Variants in CCNT2 observed in about 807,000 individuals in gnomAD.
CCNT2 encodes the protein cyclin-T2.
CCNT2 carries 18 observed loss-of-function variants against 70.0 expected under a neutral mutation model. That is an observed-to-expected ratio of 0.26 (90% CI 0.18 to 0.38). The LOEUF is 0.38. Among genes scored for constraint, CCNT2 ranks in the 10% least tolerant of loss-of-function variants. The pLI is 1.00. For missense variants in CCNT2, 734 were observed against 890.2 expected, an observed-to-expected ratio of 0.82 and a Z score of 2.23; for synonymous variants, 334 against 313.3, an observed-to-expected ratio of 1.07 and a Z score of -0.70.
Position 134,953,176 on chromosome 2 carries a change from T to C in CCNT2, c.775-54T>C, listed in dbSNP as rs1434107263. 3.2e-6 allele frequency: 4 copies of C among 1,254,560 alleles called. No individual in the cohort carries two copies. The African/African-American group carries it at 4.5e-5, about 14-fold the overall frequency. The allele number at this position is 1,254,560 out of a possible 1,614,324, so 77.7% of individuals were successfully genotyped here. A position where few individuals can be genotyped will look rare whatever the true frequency, so the allele number is the denominator to read the frequency against. On this transcript the variant is annotated intron_variant, in intron 8 of 8. Transcript: ENST00000264157. The stretch of plus-strand genomic sequence containing the variant: ...ATATAACTTTTATAAGACAAGAAAT[T>C]TGCATTAAATTATTTTGCTATATCA...
chr2:134,944,885 AATT>A, intron 5 of CCNT2: 1 of 985,178 alleles, frequency 1.0e-6, no homozygotes, highest in Non-Finnish European at 1.2e-6. Flanking sequence ...GGCATTTTTT[AATT>A]ATTATTTTTT....
Position 134,955,327 on chromosome 2 carries a change from A to G in CCNT2, c.*679A>G, listed in dbSNP as rs1346905054. ...CTGATAGGGGACACTTCACTACCAG[A>G]TGTGTGCAGTGCAACAGATGGTCAT... On this transcript the variant is annotated 3_prime_UTR_variant, in exon 9 of 9. Transcript: ENST00000264157. 6.5e-6 allele frequency: 1 copy of G among 152,934 alleles called. No individual in the cohort carries two copies. The highest frequency in any genetic ancestry group is 1.5e-5 in the Non-Finnish European group (1 of 68,284). The allele number at this position is 152,934 out of a possible 1,614,324, so 9.5% of individuals were successfully genotyped here. A position where few individuals can be genotyped will look rare whatever the true frequency, so the allele number is the denominator to read the frequency against.
At chr2:134,919,442 G>A (rs777216820) in intron 1 of CCNT2, among the ~76,000 whole-genome samples, 40 of 152,102 alleles carry the variant, frequency 2.6e-4, no homozygotes, top group Non-Finnish European at 4.6e-4. Flanking sequence ...GCTTGATGGC[G>A]GCTCTCTTCT....
intron 5 of CCNT2, 116 bp downstream of exon 5, chr2:134,942,790 A>T: frequency 2.9e-6 from 4 of 1,391,626 alleles, no homozygotes; most frequent in Non-Finnish European, 3.8e-6. Context: ...AATTAGGGAG[A>T]AATGTCATTT....
chr2:134,946,269 G>C, intron 6 of CCNT2, 123 bp downstream of exon 6: 1 of 1,297,860 alleles, frequency 7.7e-7, no homozygotes. Context: ...TACTGTGGTG[G>C]TACCTTCCTG....
At chr2:134,922,062 C>G (rs976304595) in intron 2 of CCNT2, among the ~76,000 whole-genome samples, 5 of 152,160 alleles carry the variant, frequency 3.3e-5, no homozygotes, top group South Asian at 2.1e-4. Flanking sequence ...TTTCTTCCCC[C>G]CTGTTCTTTT....
intron 4 of CCNT2, among the ~76,000 whole-genome samples, chr2:134,941,590 A>G (rs1681585815): frequency 6.6e-6 from 1 of 152,224 alleles, no homozygotes. Context: ...AAATAAAAAG[A>G]TACCAAAAAA....
intron 2 of CCNT2, among the ~76,000 whole-genome samples, chr2:134,932,397 GT>G (rs1680847743): frequency 6.6e-6 from 1 of 152,020 alleles, no homozygotes; most frequent in Non-Finnish European, 1.5e-5. Context: ...TCAGTATATT[GT>G]TTAAGTATAA....
At chr2:134,939,787 A>G (rs1252111388) in intron 4 of CCNT2, among the ~76,000 whole-genome samples, 1 of 152,122 alleles carries the variant, frequency 6.6e-6, no homozygotes, top group Non-Finnish European at 1.5e-5. Context: ...TTTTAATGTG[A>G]CATAGTAATT....
At position 134,954,922 on chromosome 2, in the gene CCNT2, T is replaced by C. The variant is rs1682837442; in HGVS notation, c.*274T>C. ...AGCTAAGAACATTAGGATGAATGGC[T>C]GGCTGCTTCTAGGAATATAAGATGC... On this transcript the variant is annotated 3_prime_UTR_variant, in exon 9 of 9. Transcript: ENST00000264157. 1 of 334,380 alleles carries C rather than the reference T, an allele frequency of 3.0e-6. No homozygotes were observed. Among genetic ancestry groups the C allele is most frequent in the Non-Finnish European group, 5.5e-6 (1 of 182,476 alleles). The allele number at this position is 334,380 out of a possible 1,614,324, so 20.7% of individuals were successfully genotyped here. A position where few individuals can be genotyped will look rare whatever the true frequency, so the allele number is the denominator to read the frequency against.
In CCNT2 at chr2:134,919,026, T is replaced by G; in HGVS notation, c.158+14T>G. On this transcript the variant is annotated intron_variant, in intron 1 of 8. Transcript: ENST00000264157. The stretch of plus-strand genomic sequence containing the variant: ...GCGTCTCAATGTGTATCCTTTTCTG[T>G]TCGCCGCCGCTCACGCCCTGTTTCC... 6.3e-7 allele frequency: 1 copy of G among 1,587,252 alleles called. No homozygotes were observed. Among genetic ancestry groups the G allele is most frequent in the South Asian group, 1.1e-5 (1 of 89,978 alleles).
chr2:134,922,902 T>G (rs1371939529), intron 2 of CCNT2, among the ~76,000 whole-genome samples: 3 of 152,222 alleles, frequency 2.0e-5, no homozygotes, highest in Non-Finnish European at 1.5e-5. Context: ...TCCAATTTAT[T>G]TGATCTTTTC....
chr2:134,930,255 T>G (rs963351375), intron 2 of CCNT2, among the ~76,000 whole-genome samples: 2 of 152,212 alleles, frequency 1.3e-5, no homozygotes, highest in Non-Finnish European at 2.9e-5. Flanking sequence ...GTATATATGG[T>G]CTTTCACGAA....
At chr2:134,945,734 G>A in intron 5 of CCNT2, 1 of 1,294,154 alleles carries the variant, frequency 7.7e-7, no homozygotes, top group Non-Finnish European at 1.0e-6. Flanking sequence ...TTTGTATTTT[G>A]TATTAGACTT....
intron 2 of CCNT2, among the ~76,000 whole-genome samples, chr2:134,928,270 A>ATTTTTTTTTTTTTTTTTTTTT (rs1680442850): frequency 3.8e-5 from 3 of 77,984 alleles, no homozygotes; most frequent in African/African-American, 1.6e-4. Flanking sequence ...CTCACATTGT[A>ATTTTTTTTTTTTTTTTTTTTT]TTTCTTTTTT....
chr2:134,943,438 C>T, intron 5 of CCNT2: 1 of 984,996 alleles, frequency 1.0e-6, no homozygotes, highest in Non-Finnish European at 1.2e-6. Context: ...GAGTGTTTTG[C>T]CCATATTCAT....
intron 5 of CCNT2, chr2:134,943,378 G>A (rs1171160378): frequency 1.1e-6 from 1 of 921,168 alleles, no homozygotes; most frequent in Non-Finnish European, 1.3e-6. Flanking sequence ...TCTACCTTGG[G>A]CAGCAAGAGT....
chr2:134,929,929 G>A (rs1279723188), intron 2 of CCNT2, among the ~76,000 whole-genome samples: 1 of 151,516 alleles, frequency 6.6e-6, no homozygotes, highest in African/African-American at 2.4e-5. Context: ...GGGATTACAG[G>A]CATGAGCCAC....
intron 2 of CCNT2, among the ~76,000 whole-genome samples, chr2:134,933,979 T>A (rs934017419): frequency 3.3e-5 from 5 of 152,196 alleles, no homozygotes; most frequent in Admixed American, 6.5e-5. Context: ...GAGCCAAGAT[T>A]CCACTTGAGG....
Sources: allele counts gnomAD v4.1 joint callset (sites outside exome capture counted in the v4.1 genomes callset), GRCh38; gene constraint gnomAD v4.1.1; transcripts MANE v1.5; gene names NCBI Gene and HGNC (gene_info 2026-07-23, HGNC 2026-07-21).